Variants in MGAT5 observed in about 807,000 individuals in gnomAD.
MGAT5 encodes the protein alpha-1,6-mannosylglycoprotein 6-beta-N-acetylglucosaminyltransferase.
In MGAT5, 30 loss-of-function variants were observed where a neutral mutation model predicts 94.3. The ratio of observed to expected loss-of-function variants is 0.32; its 90% confidence interval spans 0.24 to 0.43. The LOEUF (loss-of-function observed/expected upper bound fraction) is 0.43, where lower values mean the gene tolerates loss of function less well. Ranked by LOEUF, MGAT5 falls within the 20% of genes least tolerant of loss-of-function variation. The probability of loss-of-function intolerance (pLI) is 1.00; values close to 1 mark genes in which losing one functional copy is unlikely to be tolerated. For synonymous variants in MGAT5, 310 were observed against 322.9 expected, an observed-to-expected ratio of 0.96 and a Z score of 0.43; for missense variants, 691 against 905.5, an observed-to-expected ratio of 0.76 and a Z score of 3.04.
chr2:134,345,330 C>T (rs1688857807), intron 8 of MGAT5, among the ~76,000 whole-genome samples: 1 of 152,122 alleles, frequency 6.6e-6, no homozygotes, highest in South Asian at 2.1e-4. Flanking sequence ...TATGCGTATG[C>T]CAGTGTCATC....
At chr2:134,131,475 G>A (rs957695101) in intron 1 of MGAT5, among the ~76,000 whole-genome samples, 1 of 151,718 alleles carries the variant, frequency 6.6e-6, no homozygotes, top group Admixed American at 6.6e-5. Context: ...AAAACACAGT[G>A]AGAAATGGTA....
intron 1 of MGAT5, among the ~76,000 whole-genome samples, chr2:134,196,675 C>T (rs559963963): frequency 5.9e-5 from 9 of 152,228 alleles, no homozygotes; most frequent in East Asian, 1.9e-4. Context: ...GTCCAGACTG[C>T]GGGCCACCTG....
At position 134,389,565 on chromosome 2, in the gene MGAT5, A is replaced by AT. The variant is rs375055707; in HGVS notation, c.1381-13417dup. On this transcript the variant is annotated intron_variant, in intron 10 of 15. Transcript: ENST00000281923. ...AGCTAGATAGGTTCCCTGGTGATTA[A>AT]TTTTTTCTTGGAGCCCCTGAGGCCT... is the stretch of plus-strand genomic sequence containing the variant. Among the ~76,000 whole-genome samples the AT allele has an allele frequency of 4.4e-4, 67 of 152,226 alleles. 1 individual carries two copies. The highest frequency in any genetic ancestry group is 1.5e-3 in the African/African-American group (63 of 41,528).
chr2:134,415,391 A>T (rs746214581), intron 12 of MGAT5, among the ~76,000 whole-genome samples: 1 of 152,036 alleles, frequency 6.6e-6, no homozygotes, highest in Non-Finnish European at 1.5e-5. Context: ...ACCTTTTCAT[A>T]TGTTTGTTTG....
intron 1 of MGAT5, among the ~76,000 whole-genome samples, chr2:134,169,601 T>C (rs1007326190): frequency 6.6e-6 from 1 of 152,252 alleles, no homozygotes; most frequent in African/African-American, 2.4e-5. Context: ...TCTTGATGAA[T>C]GCTGTGGTGG....
chr2:134,286,871 A>G (rs1050445883), intron 2 of MGAT5, among the ~76,000 whole-genome samples: 1 of 152,210 alleles, frequency 6.6e-6, no homozygotes, highest in African/African-American at 2.4e-5. Flanking sequence ...TCATTTTTGC[A>G]AAGTCCAGAG....
chr2:134,412,931 A>G lies in MGAT5; in HGVS notation c.1593A>G (p.Gly531=). 2.5e-6 allele frequency: 4 copies of G among 1,614,138 alleles called. No individual in the cohort carries two copies. Among genetic ancestry groups the G allele is most frequent in the Non-Finnish European group, 3.4e-6 (4 of 1,180,010 alleles). ...GPAPLEAIAN[G]CAFLNPKFNP... is the part of the protein sequence containing the mutation. ...CTCCCCTGGAAGCTATCGCAAATGG[A>G]TGTGCTTTTCTGAATCCCAAGTTCA... is the stretch of plus-strand genomic sequence containing the variant. The change falls in exon 12 of 16, where the codon GGA becomes GGG. Residue 531 remains glycine (G), a synonymous_variant. Coordinates refer to ENST00000281923, the MANE Select transcript of MGAT5 (RefSeq NM_002410.5).
At chr2:134,363,376 C>G in intron 10 of MGAT5, among the ~76,000 whole-genome samples, 1 of 152,192 alleles carries the variant, frequency 6.6e-6, no homozygotes, top group East Asian at 1.9e-4. Context: ...CCCCTCAGCT[C>G]TAAGGTACTA....
At chr2:134,362,840 A>G (rs1680188219) in intron 10 of MGAT5, among the ~76,000 whole-genome samples, 1 of 152,216 alleles carries the variant, frequency 6.6e-6, no homozygotes, top group Non-Finnish European at 1.5e-5. Context: ...AGTGGGCTTC[A>G]CATCCTCTTG....
At chr2:134,171,560 T>C (rs1438472674) in intron 1 of MGAT5, among the ~76,000 whole-genome samples, 5 of 152,184 alleles carry the variant, frequency 3.3e-5, no homozygotes, top group Non-Finnish European at 4.4e-5. Flanking sequence ...GGTGTCGAAG[T>C]GATAGGGCCG....
intron 1 of MGAT5, among the ~76,000 whole-genome samples, chr2:134,183,394 C>T (rs750933171): frequency 6.6e-6 from 1 of 152,180 alleles, no homozygotes; most frequent in Non-Finnish European, 1.5e-5. Flanking sequence ...CAATCAAGTT[C>T]ATTTGAAGCT....
intron 1 of MGAT5, among the ~76,000 whole-genome samples, chr2:134,256,780 T>A (rs1321327913): frequency 1.3e-5 from 2 of 152,240 alleles, no homozygotes; most frequent in African/African-American, 4.8e-5. Flanking sequence ...ATTTGTCTTT[T>A]TCTCAAAAAC....
intron 1 of MGAT5, among the ~76,000 whole-genome samples, chr2:134,267,196 T>C (rs1683772046): frequency 6.6e-6 from 1 of 152,124 alleles, no homozygotes; most frequent in South Asian, 2.1e-4. Flanking sequence ...GACAGGTCCA[T>C]TGTAGTTCTT....
At chr2:134,281,767 C>T (rs33928790) in intron 2 of MGAT5, among the ~76,000 whole-genome samples, 39,399 of 152,158 alleles carry the variant, frequency 0.26, 5,389 homozygotes, top group Middle Eastern at 0.55. Context: ...CAAGGGAAGA[C>T]AGTCATTAAC....
intron 10 of MGAT5, among the ~76,000 whole-genome samples, chr2:134,400,952 G>A (rs1264930330): frequency 6.6e-6 from 1 of 152,140 alleles, no homozygotes; most frequent in African/African-American, 2.4e-5. Context: ...GGGACCTGGG[G>A]AATTTAGGAT....
intron 2 of MGAT5, among the ~76,000 whole-genome samples, chr2:134,275,619 T>C (rs1452023426): frequency 6.9e-6 from 1 of 144,728 alleles, no homozygotes; most frequent in Admixed American, 7.0e-5. Flanking sequence ...AGTCTCGCTC[T>C]GTTGCTCAGG....
chr2:134,332,821 A>G (rs1190783000), intron 4 of MGAT5, among the ~76,000 whole-genome samples: 3 of 152,224 alleles, frequency 2.0e-5, no homozygotes, highest in South Asian at 2.1e-4. Context: ...GCAGCCAAAA[A>G]ACACATGAAA....
intron 2 of MGAT5, among the ~76,000 whole-genome samples, chr2:134,298,769 C>G (rs1227667816): frequency 6.6e-6 from 1 of 152,004 alleles, no homozygotes; most frequent in East Asian, 1.9e-4. Context: ...AGAGGTAGTT[C>G]ATAATGGTGA....
At chr2:134,263,252 G>C (rs532882641) in intron 1 of MGAT5, among the ~76,000 whole-genome samples, 17 of 152,272 alleles carry the variant, frequency 1.1e-4, no homozygotes, top group African/African-American at 4.1e-4. Context: ...TACATGTTAG[G>C]AAAATTCAAA....
Sources: allele counts gnomAD v4.1 joint callset (sites outside exome capture counted in the v4.1 genomes callset), GRCh38; gene constraint gnomAD v4.1.1; transcripts MANE v1.5; gene names NCBI Gene and HGNC (gene_info 2026-07-23, HGNC 2026-07-21).